The following NUMB variants were observed in gnomAD, a reference collection of about 807,000 sequenced individuals.
NUMB encodes protein numb homolog.
Under a neutral mutation model 59.7 loss-of-function variants are expected in NUMB, and 29 were observed. The ratio of observed to expected loss-of-function variants is 0.49; its 90% CI spans 0.36 to 0.66. The LOEUF is 0.66. NUMB is among the 30% of genes least tolerant of loss of function. The pLI, the probability that NUMB is intolerant of heterozygous loss-of-function variation, is 0.00. For missense variants in NUMB, 723 were observed against 822.0 expected (o/e 0.88, Z 1.47); for synonymous variants, 288 against 288.2 (o/e 1.00, Z 0.01).
Position 73,284,071 on chromosome 14 carries a change from G to A in NUMB, c.949+10C>T. ...CGAGTACCCAGTGAGTCAGGTAGAT[G>A]CTACATTACCTGCATTTTTAATGGG... is the stretch of plus-strand genomic sequence containing the variant. On this transcript the variant is annotated intron_variant, in intron 10 of 12. Coordinates refer to ENST00000555238, the MANE Select transcript of NUMB (RefSeq NM_001005743.2). 6.2e-7 allele frequency: 1 copy of A among 1,611,652 alleles called. No individual in the cohort carries two copies. Among genetic ancestry groups the A allele is most frequent in the Non-Finnish European group, 8.5e-7 (1 of 1,177,834 alleles).
chr14:73,430,274 A>G (rs1312821522), intron 1 of NUMB, among the ~76,000 whole-genome samples: 1 of 152,100 alleles, frequency 6.6e-6, no homozygotes, highest in Non-Finnish European at 1.5e-5. Context: ...TGGTAAGTGT[A>G]CATTTAATTA....
At position 73,275,374 on chromosome 14, in the gene NUMB, G is replaced by A. The variant is rs1246206716; in HGVS notation, c.*1204C>T. 3 of 152,458 alleles carry A rather than the reference G, an allele frequency of 2.0e-5. No individual in the cohort carries two copies. Among genetic ancestry groups the A allele is most frequent in the Non-Finnish European group, 4.4e-5 (3 of 68,018 alleles). The allele number at this position is 152,458 out of a possible 1,614,324, so 9.4% of individuals were successfully genotyped here. ...GGTCAAGAGGCTGCAACTGTCAAGG[G>A]GATGTTCTCACCAAAAGGGGGTTTG... On this transcript the variant is annotated 3_prime_UTR_variant, in exon 13 of 13. Transcript: ENST00000555238.
intron 1 of NUMB, among the ~76,000 whole-genome samples, chr14:73,442,541 C>A (rs1883139204): frequency 6.6e-6 from 1 of 151,864 alleles, no homozygotes; most frequent in African/African-American, 2.4e-5. Context: ...TTTTAAATTG[C>A]AATATATCCA....
At chr14:73,395,756 A>AGCT (rs1286187655) in intron 2 of NUMB, among the ~76,000 whole-genome samples, 1 of 152,224 alleles carries the variant, frequency 6.6e-6, no homozygotes, top group Non-Finnish European at 1.5e-5. Context: ...TCATATGTAT[A>AGCT]GCTACACGTG....
chr14:73,407,210 G>A (rs1020731279), intron 2 of NUMB, among the ~76,000 whole-genome samples: 1 of 151,872 alleles, frequency 6.6e-6, no homozygotes, highest in Admixed American at 6.6e-5. Flanking sequence ...CCAGCCCTTT[G>A]GGAGGCCGAG....
intron 10 of NUMB, among the ~76,000 whole-genome samples, chr14:73,283,609 C>G (rs1002402806): frequency 6.6e-6 from 1 of 152,220 alleles, no homozygotes; most frequent in Non-Finnish European, 1.5e-5. Flanking sequence ...TAGATGTACA[C>G]GAAAGACCTG....
chr14:73,287,750 A>G (rs766893928), intron 8 of NUMB, among the ~76,000 whole-genome samples: 1 of 152,216 alleles, frequency 6.6e-6, no homozygotes, highest in South Asian at 2.1e-4. Flanking sequence ...TTAGTATGCC[A>G]TATTAATTTA....
chr14:73,297,221 T>C lies in NUMB; in HGVS notation c.299A>G (p.Glu100Gly). 2 of 1,596,076 alleles carry C rather than the reference T, an allele frequency of 1.3e-6. No homozygotes were observed. Among genetic ancestry groups the C allele is most frequent in the Non-Finnish European group, 1.7e-6 (2 of 1,165,454 alleles). Residue 100 changes from glutamate to glycine, a missense_variant, in exon 7 of 13, where the codon GAA becomes GGA. By Grantham distance (98) the Glu-to-Gly change is moderately conservative. Transcript: ENST00000555238. The part of the protein sequence containing the change: ...VSADGLRVVD[E>G]KTKDLIVDQT... Reference sequence around the variant, plus strand: ...AATAAAGAATCTTACCTTAGTTTTTTCATCCACAACTCTGAGTCCATCTGC... The same window carrying C: ...AATAAAGAATCTTACCTTAGTTTTTCCATCCACAACTCTGAGTCCATCTGC...
rs111280178 is a variant in NUMB, at chr14:73,289,142, T to TC, written c.451-1829dup. 4.6e-3 allele frequency among the ~76,000 whole-genome samples: 696 copies of TC among 150,842 alleles called. 4 individuals carry two copies. The highest frequency in any genetic ancestry group is 0.017 in the African/African-American group (674 of 40,258). On this transcript the variant is annotated intron_variant, in intron 8 of 12. Coordinates refer to ENST00000555238, the MANE Select transcript of NUMB (RefSeq NM_001005743.2). The stretch of plus-strand genomic sequence containing the variant: ...TATGGCCCTCCGTGCTTTTAGGTTT[T>TC]CCCCCATACCCTTCCTATCTTCCTC...
intron 6 of NUMB, among the ~76,000 whole-genome samples, chr14:73,302,411 T>C (rs1028379825): frequency 1.9e-4 from 28 of 143,754 alleles, no homozygotes; most frequent in East Asian, 7.9e-4. Flanking sequence ...ATTTCTTTTT[T>C]TTTTTTTTTT....
At chr14:73,394,576 C>T (rs1896026796) in intron 2 of NUMB, among the ~76,000 whole-genome samples, 1 of 152,098 alleles carries the variant, frequency 6.6e-6, no homozygotes, top group African/African-American at 2.4e-5. Flanking sequence ...ACTCTGCTCT[C>T]CTTTTCAAGT....
chr14:73,413,495 C>T (rs1429019266), intron 1 of NUMB, among the ~76,000 whole-genome samples: 2 of 151,732 alleles, frequency 1.3e-5, no homozygotes, highest in Non-Finnish European at 2.9e-5. Flanking sequence ...TGGTGGCTCA[C>T]GCTTGTAATC....
intron 6 of NUMB, among the ~76,000 whole-genome samples, chr14:73,312,266 C>T (rs1040524194): frequency 2.6e-5 from 4 of 151,012 alleles, no homozygotes; most frequent in South Asian, 2.1e-4. Context: ...TGGTGGCAAA[C>T]GCCTGTGGTC....
chr14:73,431,402 T>C (rs994246037), intron 1 of NUMB, among the ~76,000 whole-genome samples: 2 of 150,844 alleles, frequency 1.3e-5, no homozygotes, highest in Non-Finnish European at 3.0e-5. Flanking sequence ...ATTACAGGCA[T>C]GTGCCACCAT....
intron 4 of NUMB, among the ~76,000 whole-genome samples, chr14:73,348,938 A>G (rs1893052907): frequency 6.6e-6 from 1 of 152,246 alleles, no homozygotes; most frequent in South Asian, 2.1e-4. Context: ...TGTTAAAAAA[A>G]TTATAAATAG....
intron 8 of NUMB, among the ~76,000 whole-genome samples, chr14:73,289,065 A>C (rs535499941): frequency 1.3e-5 from 2 of 152,158 alleles, no homozygotes; most frequent in Admixed American, 1.3e-4. Context: ...ATGAGACAAA[A>C]GCTTTGCTGT....
At chr14:73,369,868 T>C (rs1214371298) in intron 2 of NUMB, among the ~76,000 whole-genome samples, 1 of 152,208 alleles carries the variant, frequency 6.6e-6, no homozygotes, top group Non-Finnish European at 1.5e-5. Context: ...TCCTCTATGT[T>C]CCTGCTTCCA....
Position 73,352,441 on chromosome 14 carries a change from C to T in NUMB, c.126+3185G>A, listed in dbSNP as rs1316463753. Reference sequence around the variant, plus strand: ...TTGTAATAATATATATATACACACACACACACACACACACACATACACACA... The same window carrying T: ...TTGTAATAATATATATATACACACATACACACACACACACACATACACACA... On this transcript the variant is annotated intron_variant, in intron 4 of 12. Transcript: ENST00000555238. Among the ~76,000 whole-genome samples, 21 of 48,078 alleles carry T rather than the reference C, an allele frequency of 4.4e-4. 1 individual carries two copies. Among genetic ancestry groups the T allele is most frequent in the African/African-American group, 7.9e-4 (8 of 10,134 alleles). 31.5% of individuals were successfully genotyped at this position (48,078 alleles called of 152,430 possible).
intron 1 of NUMB, among the ~76,000 whole-genome samples, chr14:73,451,184 A>AAAAAT (rs1883941855): frequency 1.4e-5 from 2 of 144,918 alleles, no homozygotes; most frequent in Non-Finnish European, 3.1e-5. Context: ...ACAAAAAACA[A>AAAAAT]ATCTACACTT....
Sources: allele counts gnomAD v4.1 joint callset (sites outside exome capture counted in the v4.1 genomes callset), GRCh38; gene constraint gnomAD v4.1.1; transcripts MANE v1.5; gene names NCBI Gene and HGNC (gene_info 2026-07-23, HGNC 2026-07-21).